The following PCDHA2 variants were observed in gnomAD, a reference collection of about 807,000 sequenced individuals.
The protein encoded by PCDHA2 is protocadherin alpha 2.
In PCDHA2, 58 loss-of-function variants were observed where a neutral mutation model predicts 66.0. That is an observed-to-expected ratio of 0.88 (90% confidence interval 0.71 to 1.09). The LOEUF (loss-of-function observed/expected upper bound fraction) is 1.09, where lower values mean the gene tolerates loss of function less well. Among genes scored for constraint, PCDHA2 ranks in the 50% least tolerant of loss-of-function variants. The pLI is 0.00. For synonymous variants in PCDHA2, 634 were observed against 554.0 expected (o/e 1.14, Z -2.03); for missense variants, 1,267 against 1,242.3 (o/e 1.02, Z -0.30).
chr5:140,795,911 A>G lies in PCDHA2; in HGVS notation c.947A>G (p.Tyr316Cys). 3 of 1,613,960 alleles carry G rather than the reference A, an allele frequency of 1.9e-6. No homozygotes were observed. Among genetic ancestry groups the G allele is most frequent in the Non-Finnish European group, 1.7e-6 (2 of 1,179,896 alleles). ...GKLDYEEAKS[Y>C]EIQVTATDKG... ...TTAGATTATGAAGAAGCAAAGTCCTACGAGATTCAGGTCACTGCAACTGAC... is the reference window on the plus strand; with the variant it reads ...TTAGATTATGAAGAAGCAAAGTCCTGCGAGATTCAGGTCACTGCAACTGAC... Residue 316 changes from tyrosine (Y) to cysteine (C), a missense_variant, in exon 1 of 4, where the codon TAC becomes TGC. Physicochemically the swap from Tyr to Cys is radical, Grantham distance 194 (BLOSUM62 -2). Coordinates refer to ENST00000526136, the MANE Select transcript of PCDHA2 (RefSeq NM_018905.3).
chr5:140,913,955 AT>A (rs2076529735), intron 1 of PCDHA2, among the ~76,000 whole-genome samples: 2 of 152,108 alleles, frequency 1.3e-5, no homozygotes, highest in African/African-American at 2.4e-5. Context: ...ATATGATATC[AT>A]TTTTAAAAAA....
intron 1 of PCDHA2, chr5:140,882,600 A>G: frequency 6.2e-7 from 1 of 1,614,252 alleles, no homozygotes; most frequent in East Asian, 2.2e-5. Context: ...GTGATCGTGG[A>G]CAGGCCTCTG....
At chr5:140,911,464 A>T (rs1300349898) in intron 1 of PCDHA2, among the ~76,000 whole-genome samples, 2 of 152,144 alleles carry the variant, frequency 1.3e-5, no homozygotes, top group African/African-American at 2.4e-5. Flanking sequence ...TCTACAGGAG[A>T]TAAGACTCTC....
At chr5:140,986,461 C>A (rs1554248079) in intron 3 of PCDHA2, among the ~76,000 whole-genome samples, 1 of 152,154 alleles carries the variant, frequency 6.6e-6, no homozygotes. Flanking sequence ...TTAATGAATG[C>A]CCTCTTGTGA....
At chr5:140,857,849 G>A (rs782556733) in intron 1 of PCDHA2, 1 of 1,597,964 alleles carries the variant, frequency 6.3e-7, no homozygotes, top group South Asian at 1.1e-5. Flanking sequence ...CGCTGACTCT[G>A]GATACAACGC....
chr5:140,877,713 T>C (rs2057302382), intron 1 of PCDHA2: 1 of 1,613,318 alleles, frequency 6.2e-7, no homozygotes, highest in African/African-American at 1.3e-5. Flanking sequence ...CCGTGGGGAG[T>C]TGGTCTTACT....
At chr5:140,860,209 G>A (rs1263350528) in intron 1 of PCDHA2, 13 of 147,554 alleles carry the variant, frequency 8.8e-5, no homozygotes, top group Middle Eastern at 7.1e-3. Context: ...ATCTATATAT[G>A]TACTTATGTA....
chr5:140,808,304 A>T, intron 1 of PCDHA2: 1 of 1,614,268 alleles, frequency 6.2e-7, no homozygotes, highest in Non-Finnish European at 8.5e-7. Context: ...CGCCCTGATC[A>T]GCGTGTCCGA....
At chr5:140,801,584 C>T (rs1554121552) in intron 1 of PCDHA2, 2 of 1,614,200 alleles carry the variant, frequency 1.2e-6, no homozygotes, top group East Asian at 2.2e-5. Flanking sequence ...TTAATGACAA[C>T]GCGCCAGTTT....
At chr5:140,869,529 T>G (rs2051206211) in intron 1 of PCDHA2, 2 of 1,614,166 alleles carry the variant, frequency 1.2e-6, no homozygotes, top group Non-Finnish European at 1.7e-6. Context: ...AGCTGCTGAT[T>G]GCGGAATCTA....
chr5:140,885,164 T>G (rs2060495549), intron 1 of PCDHA2, among the ~76,000 whole-genome samples: 1 of 151,598 alleles, frequency 6.6e-6, no homozygotes, highest in African/African-American at 2.4e-5. Context: ...TCTCTACTTT[T>G]TTGTCCTCTA....
chr5:140,927,040 A>T (rs1554203950), intron 1 of PCDHA2: 1 of 1,612,350 alleles, frequency 6.2e-7, no homozygotes, highest in Non-Finnish European at 8.5e-7. Flanking sequence ...AGCGGCCGCT[A>T]TGTCCTCGCG....
chr5:140,834,888 A>G (rs2150228712), intron 1 of PCDHA2: 2 of 1,605,238 alleles, frequency 1.2e-6, no homozygotes, highest in African/African-American at 1.4e-5. Context: ...CGCCCTGCTC[A>G]CTTACAGACT....
intron 1 of PCDHA2, chr5:140,823,801 A>G: frequency 1.2e-6 from 2 of 1,613,744 alleles, no homozygotes; most frequent in African/African-American, 1.3e-5. Flanking sequence ...CCAGGCGCCG[A>G]AGGCCTCATC....
At chr5:140,968,467 A>G (rs2153771249) in intron 1 of PCDHA2, 1 of 1,614,124 alleles carries the variant, frequency 6.2e-7, no homozygotes, top group Non-Finnish European at 8.5e-7. Flanking sequence ...CTGCCAACGT[A>G]TATGTGGTGG....
chr5:140,898,881 A>G (rs1472274164), intron 1 of PCDHA2, among the ~76,000 whole-genome samples: 1 of 152,102 alleles, frequency 6.6e-6, no homozygotes, highest in Non-Finnish European at 1.5e-5. Context: ...AGTGGTTTGT[A>G]GTTCTCCTTG....
At chr5:140,914,670 C>T (rs554633450) in intron 1 of PCDHA2, among the ~76,000 whole-genome samples, 85 of 152,088 alleles carry the variant, frequency 5.6e-4, no homozygotes, top group African/African-American at 2.0e-3. Context: ...TCTTCTTTTT[C>T]ATGAAAATAA....
chr5:140,842,067 T>G, intron 1 of PCDHA2: 1 of 1,613,874 alleles, frequency 6.2e-7, no homozygotes, highest in Non-Finnish European at 8.5e-7. Flanking sequence ...GAATACGAAG[T>G]AAGAATATTC....
intron 1 of PCDHA2, chr5:140,803,455 A>G: frequency 1.9e-6 from 3 of 1,614,234 alleles, no homozygotes; most frequent in Non-Finnish European, 2.5e-6. Context: ...TACTCGCAGC[A>G]GAGGCAGCAG....
Sources: allele counts gnomAD v4.1 joint callset (sites outside exome capture counted in the v4.1 genomes callset), GRCh38; gene constraint gnomAD v4.1.1; transcripts MANE v1.5; gene names NCBI Gene and HGNC (gene_info 2026-07-23, HGNC 2026-07-21).